ARL6IP5: variants seen among roughly 807,000 people sequenced by gnomAD.
ARL6IP5 encodes the protein PRA1 family protein 3.
Under a neutral mutation model 13.0 loss-of-function variants are expected in ARL6IP5, and 6 were observed. That is an observed-to-expected ratio of 0.46 (90% CI 0.25 to 0.91). The LOEUF (loss-of-function observed/expected upper bound fraction) is 0.91. Among genes scored for constraint, ARL6IP5 ranks in the 40% least tolerant of loss-of-function variants. ARL6IP5 has a pLI of 0.17. For missense variants in ARL6IP5, 208 were observed against 248.8 expected (o/e 0.84, Z 1.10); for synonymous variants, 91 against 91.9 (o/e 0.99, Z 0.06).
chr3:69,095,362 A>G lies in ARL6IP5; in HGVS notation c.177-6477A>G, dbSNP rs2092283544. Among the ~76,000 whole-genome samples the G allele has an allele frequency of 2.0e-5, 3 of 151,692 alleles. No individual in the cohort carries two copies. The South Asian group carries it at 6.2e-4, about 31-fold the overall frequency. On this transcript the variant is annotated intron_variant, in intron 1 of 2. Coordinates refer to ENST00000273258, the MANE Select transcript of ARL6IP5 (RefSeq NM_006407.4). ...TATTGGAATTGGGTAATACATGTTC[A>G]TATTTTAAATATATATAATTAAAAT...
At position 69,106,034 on chromosome 3, in the gene ARL6IP5, C is replaced by A. The variant is rs533429361; in HGVS notation, c.*1398C>A. The A allele has an allele frequency of 6.6e-6, 1 of 152,178 alleles. No individual in the cohort carries two copies. The highest frequency in any genetic ancestry group is 2.4e-5 in the African/African-American group (1 of 41,432). 9.4% of individuals were successfully genotyped at this position (152,178 alleles called of 1,614,324 possible). On this transcript the variant is annotated 3_prime_UTR_variant, in exon 3 of 3. Coordinates refer to ENST00000273258, the MANE Select transcript of ARL6IP5 (RefSeq NM_006407.4). ...ACATGGTCTAGAATCTGTACCCTTA[C>A]CCACATATGAAGAATAAAATTGATT...
chr3:69,104,655 A>G lies in ARL6IP5; in HGVS notation c.*19A>G. 6.2e-7 allele frequency: 1 copy of G among 1,608,208 alleles called. No homozygotes were observed. The highest frequency in any genetic ancestry group is 8.5e-7 in the Non-Finnish European group (1 of 1,176,494). On this transcript the variant is annotated 3_prime_UTR_variant, in exon 3 of 3. Transcript: ENST00000273258. ...GGAATAAACATAACTTACCTGAGCT[A>G]GGGTTGCAGCAGAAATTGAGTTGCA...
chr3:69,099,470 T>C (rs1014737044), intron 1 of ARL6IP5, among the ~76,000 whole-genome samples: 1 of 152,252 alleles, frequency 6.6e-6, no homozygotes, highest in Non-Finnish European at 1.5e-5. Context: ...CAGTTTGACA[T>C]TGATTTTATC....
rs572922000 is a variant in ARL6IP5, at chr3:69,102,338, C to T, written c.394+282C>T. On this transcript the variant is annotated intron_variant, in intron 2 of 2. Transcript: ENST00000273258. ...TTTGTTGTTGTTGAGATGGGGTCTA[C>T]TCTGTCACCCACGCTGTGGTGTTAT... The T allele has an allele frequency of 2.5e-5, 11 of 442,702 alleles. No homozygotes were observed. In the South Asian group the frequency reaches 2.5e-4, roughly 10 times the overall value. The allele number at this position is 442,702 out of a possible 1,614,324, so 27.4% of individuals were successfully genotyped here.
At chr3:69,087,764 T>C (rs1052335685) in intron 1 of ARL6IP5, among the ~76,000 whole-genome samples, 1 of 150,732 alleles carries the variant, frequency 6.6e-6, no homozygotes, top group African/African-American at 2.4e-5. Flanking sequence ...TTAAAACTTA[T>C]CCTTATTTTT....
intron 1 of ARL6IP5, among the ~76,000 whole-genome samples, chr3:69,091,648 G>A (rs1430255670): frequency 3.5e-5 from 5 of 141,694 alleles, no homozygotes; most frequent in East Asian, 2.1e-4. Flanking sequence ...TCCCCTCTCC[G>A]TCCAGCTTTT....
chr3:69,104,982 C>A lies in ARL6IP5; in HGVS notation c.*346C>A. 1 of 665,774 alleles carries A rather than the reference C, an allele frequency of 1.5e-6. No individual in the cohort carries two copies. Among genetic ancestry groups the A allele is most frequent in the South Asian group, 1.7e-5 (1 of 60,074 alleles). 41.2% of individuals were successfully genotyped at this position (665,774 alleles called of 1,614,324 possible). Reference sequence around the variant, plus strand: ...GATTATCTTATAGGAAAAAAAAAATCATTGTAAAGTATCAAGACAATACGA... The same window carrying A: ...GATTATCTTATAGGAAAAAAAAAATAATTGTAAAGTATCAAGACAATACGA... On this transcript the variant is annotated 3_prime_UTR_variant, in exon 3 of 3. Transcript: ENST00000273258.
intron 1 of ARL6IP5, among the ~76,000 whole-genome samples, chr3:69,093,304 A>G (rs2092275399): frequency 6.6e-6 from 1 of 152,242 alleles, no homozygotes; most frequent in South Asian, 2.1e-4. Flanking sequence ...CAAGAATACA[A>G]TAAATCCTCT....
At chr3:69,104,033 C>T (rs1216563576) in intron 2 of ARL6IP5, among the ~76,000 whole-genome samples, 2 of 152,280 alleles carry the variant, frequency 1.3e-5, no homozygotes, top group Non-Finnish European at 1.5e-5. Flanking sequence ...ACTTTACTCA[C>T]GTGCTCCTGC....
chr3:69,086,229 G>C (rs1328272261), intron 1 of ARL6IP5, among the ~76,000 whole-genome samples: 1 of 152,224 alleles, frequency 6.6e-6, no homozygotes, highest in Non-Finnish European at 1.5e-5. Context: ...AGGGTGAACA[G>C]GGTGGCTTCT....
At chr3:69,093,559 T>C (rs2092276472) in intron 1 of ARL6IP5, among the ~76,000 whole-genome samples, 1 of 151,994 alleles carries the variant, frequency 6.6e-6, no homozygotes, top group Non-Finnish European at 1.5e-5. Context: ...GGTCAGGAGT[T>C]CGAGACCAGC....
intron 1 of ARL6IP5, among the ~76,000 whole-genome samples, chr3:69,097,793 A>G (rs1182888381): frequency 1.3e-5 from 2 of 152,156 alleles, no homozygotes; most frequent in Non-Finnish European, 2.9e-5. Flanking sequence ...GTATTGGGGA[A>G]GGTTGGGGCA....
At chr3:69,085,258 G>T (rs2092244031) in intron 1 of ARL6IP5, 35 bp downstream of exon 1, 1 of 1,591,792 alleles carries the variant, frequency 6.3e-7, no homozygotes. Flanking sequence ...ACACCGATCC[G>T]GGGCGAGCAC....
Position 69,088,935 on chromosome 3 carries a change from A to G in ARL6IP5, c.176+3712A>G, listed in dbSNP as rs1408323966. 2.0e-5 allele frequency among the ~76,000 whole-genome samples: 3 copies of G among 152,344 alleles called. No individual in the cohort carries two copies. The East Asian group carries it at 5.8e-4, about 29-fold the overall frequency. The stretch of plus-strand genomic sequence containing the variant: ...GTGATACATTCTAGTTGTGGATGAA[A>G]ACTTCTTTGTGCTTAATGGAATGCC... On this transcript the variant is annotated intron_variant, in intron 1 of 2. Transcript: ENST00000273258.
chr3:69,089,779 C>T (rs1344774222), intron 1 of ARL6IP5: 3 of 456,454 alleles, frequency 6.6e-6, no homozygotes, highest in African/African-American at 2.0e-5. Flanking sequence ...TGCATGTATT[C>T]TTATGTATAT....
At chr3:69,089,016 C>G (rs2092256832) in intron 1 of ARL6IP5, among the ~76,000 whole-genome samples, 1 of 152,186 alleles carries the variant, frequency 6.6e-6, no homozygotes, top group Admixed American at 6.5e-5. Context: ...ACAGCAGCAT[C>G]TTTCGCCTGA....
At chr3:69,098,132 A>G (rs1469143772) in intron 1 of ARL6IP5, among the ~76,000 whole-genome samples, 2 of 150,892 alleles carry the variant, frequency 1.3e-5, no homozygotes, top group Admixed American at 6.6e-5. Flanking sequence ...GCTGGAGTGC[A>G]GTGGCGCAAT....
chr3:69,096,920 G>C (rs1242271201), intron 1 of ARL6IP5, among the ~76,000 whole-genome samples: 1 of 151,912 alleles, frequency 6.6e-6, no homozygotes. Context: ...TTTTCTTTAC[G>C]GCTCAGAAGA....
chr3:69,091,528 C>T (rs970560304), intron 1 of ARL6IP5, among the ~76,000 whole-genome samples: 8 of 152,046 alleles, frequency 5.3e-5, no homozygotes, highest in African/African-American at 1.9e-4. Flanking sequence ...AACTCCTGGG[C>T]TCAAGCAATC....
Sources: allele counts gnomAD v4.1 joint callset (sites outside exome capture counted in the v4.1 genomes callset), GRCh38; gene constraint gnomAD v4.1.1; transcripts MANE v1.5; gene names NCBI Gene and HGNC (gene_info 2026-07-23, HGNC 2026-07-21).